The following RAI1 variants were observed in gnomAD, a reference collection of about 807,000 sequenced individuals.
RAI1 encodes the protein retinoic acid-induced protein 1.
A neutral mutation model predicts 123.8 loss-of-function variants in RAI1; 9 were observed. That is an observed-to-expected ratio of 0.07 (90% CI 0.04 to 0.13). The LOEUF (loss-of-function observed/expected upper bound fraction) is 0.13. Ranked by LOEUF, RAI1 falls within the 10% of genes least tolerant of loss-of-function variation. The pLI, the probability that RAI1 is intolerant of heterozygous loss-of-function variation, is 1.00. For missense variants in RAI1, 2,256 were observed against 2,545.8 expected (o/e 0.89, Z 2.45); for synonymous variants, 1,231 against 1,127.3 (o/e 1.09, Z -1.84).
chr17:17,796,757 TCAAGAGGATGTCTTCTCC>T lies in RAI1; in HGVS notation c.3815_3832del (p.Arg1272_Lys1277del). 6.2e-7 allele frequency: 1 copy of T among 1,613,190 alleles called. No homozygotes were observed. Among genetic ancestry groups the T allele is most frequent in the Non-Finnish European group, 8.5e-7 (1 of 1,179,812 alleles). The stretch of plus-strand genomic sequence containing the variant: ...AGGCCTGAGGGTTCCCCCACCCTCT[TCAAGAGGATGTCTTCTCC>T]CAAGAAAGCCAAGCCCACCAAGGGC... On this transcript the variant is annotated inframe_deletion, in exon 3 of 6. Transcript: ENST00000353383. This position sits in a 1 kb window ranked among gnomAD's most constrained non-coding sequence, Gnocchi z 5.8.
chr17:17,773,248 T>C (rs1172303364), intron 2 of RAI1, among the ~76,000 whole-genome samples: 2 of 152,174 alleles, frequency 1.3e-5, no homozygotes, highest in East Asian at 3.8e-4. Context: ...TGTAAAATGG[T>C]CAGCTCAGCT....
Position 17,685,986 on chromosome 17 carries a change from G to A in RAI1, c.-149+4193G>A, listed in dbSNP as rs893424274. Reference sequence around the variant, plus strand: ...GTCTCCTCCTCCTCTGACCTCCGAGGCAGAATGAGTCATCTCCCTTTGTCT... The same window carrying A: ...GTCTCCTCCTCCTCTGACCTCCGAGACAGAATGAGTCATCTCCCTTTGTCT... On this transcript the variant is annotated intron_variant, in intron 1 of 5. Coordinates refer to ENST00000353383, the MANE Select transcript of RAI1 (RefSeq NM_030665.4). This position sits in a 1 kb window ranked among gnomAD's most constrained non-coding sequence, Gnocchi z 4.0. Among the ~76,000 whole-genome samples the A allele has an allele frequency of 6.6e-6, 1 of 152,322 alleles. No individual in the cohort carries two copies. The highest frequency in any genetic ancestry group is 6.5e-5 in the Admixed American group (1 of 15,306).
chr17:17,778,175 A>G, intron 2 of RAI1: 1 of 154,676 alleles, frequency 6.5e-6, no homozygotes, highest in Non-Finnish European at 1.4e-5. Context: ...TTTGAGGAGC[A>G]CTGAGACTCA....
At position 17,800,178 on chromosome 17, in the gene RAI1, C is replaced by T. The variant is rs990507441; in HGVS notation, c.5565+1665C>T. The stretch of plus-strand genomic sequence containing the variant: ...CCTCTCTCCTGCTTTCTGTCTCTCT[C>T]TGTCTCTCTCTCTCTCTCTCTCTCT... On this transcript the variant is annotated intron_variant, in intron 3 of 5. Coordinates refer to ENST00000353383, the MANE Select transcript of RAI1 (RefSeq NM_030665.4). The surrounding 1 kb of genome is among the most constrained non-coding windows in gnomAD (Gnocchi z 4.7). Among the ~76,000 whole-genome samples, 24 of 73,122 alleles carry T rather than the reference C, an allele frequency of 3.3e-4. No homozygotes were observed. The highest frequency in any genetic ancestry group is 1.2e-3 in the African/African-American group (23 of 19,772). 48.0% of individuals were successfully genotyped at this position (73,122 alleles called of 152,430 possible).
intron 3 of RAI1, chr17:17,802,008 G>A (rs545293042): frequency 8.6e-6 from 4 of 466,818 alleles, no homozygotes; most frequent in South Asian, 4.7e-5. Flanking sequence ...CGCCCTCTCT[G>A]CTGCCTTCTC....
In RAI1 at chr17:17,731,164, A is replaced by G. The variant is rs575525563; in HGVS notation, c.-17+7005A>G. ...CACATAGGGTGTCGGGACCAGCCTG[A>G]ACCGGGTCAGCCTGACCCTGCACTT... is the stretch of plus-strand genomic sequence containing the variant. On this transcript the variant is annotated intron_variant, in intron 2 of 5. Transcript: ENST00000353383. Among the ~76,000 whole-genome samples the G allele has an allele frequency of 7.2e-5, 11 of 152,332 alleles. No homozygotes were observed. The East Asian group carries it at 1.6e-3, about 21-fold the overall frequency.
intron 3 of RAI1, 70 bp downstream of exon 3, chr17:17,798,583 G>A: frequency 3.8e-6 from 6 of 1,579,468 alleles, no homozygotes; most frequent in Non-Finnish European, 4.3e-6. Context: ...CAGTCGGGGA[G>A]CCCCTTGTTT....
intron 2 of RAI1, among the ~76,000 whole-genome samples, chr17:17,726,897 A>G (rs1916108989): frequency 6.6e-6 from 1 of 152,156 alleles, no homozygotes; most frequent in Non-Finnish European, 1.5e-5. Context: ...CTTTGCCGGC[A>G]TAATGTGAGC....
rs1244793666 is a variant in RAI1, at chr17:17,796,662, C to A, written c.3714C>A (p.Asn1238Lys). The change falls in exon 3 of 6, where the codon AAC becomes AAA. Residue 1238 changes from asparagine (N) to lysine (K), a missense_variant. Asn to Lys is a moderately conservative substitution (Grantham distance 94). Transcript: ENST00000353383. The surrounding 1 kb of genome is among the most constrained non-coding windows in gnomAD (Gnocchi z 5.8). ...FMAPVPTKKR[N>K]LVLRSRSSSS... The stretch of plus-strand genomic sequence containing the variant: ...CGCCGGTCCCCACCAAGAAGCGGAA[C>A]CTGGTCTTGCGGAGCCGCAGCAGCA... 1 of 1,612,398 alleles carries A rather than the reference C, an allele frequency of 6.2e-7. No homozygotes were observed. The highest frequency in any genetic ancestry group is 8.5e-7 in the Non-Finnish European group (1 of 1,179,400).
intron 3 of RAI1, among the ~76,000 whole-genome samples, chr17:17,803,352 G>GGGCC (rs2032523153): frequency 6.6e-6 from 1 of 152,108 alleles, no homozygotes; most frequent in African/African-American, 2.4e-5. Context: ...GGACCACAGG[G>GGGCC]GGCCAGCCAG....
intron 2 of RAI1, among the ~76,000 whole-genome samples, chr17:17,738,536 C>T (rs976808590): frequency 1.3e-5 from 2 of 152,116 alleles, no homozygotes; most frequent in African/African-American, 4.8e-5. Context: ...CGGGTGAAGG[C>T]GGGGGCAGAG....
chr17:17,796,816 A>G lies in RAI1; in HGVS notation c.3868A>G (p.Thr1290Ala). The change falls in exon 3 of 6, where the codon ACA (threonine) becomes GCA (alanine). Residue 1290 changes from threonine (T) to alanine (A), a missense_variant. Thr to Ala is a moderately conservative substitution (Grantham distance 58). Transcript: ENST00000353383. The surrounding 1 kb of genome is among the most constrained non-coding windows in gnomAD (Gnocchi z 5.8). ...KPTKGNGEPA[T>A]KLPPPETPDA... ...CACCAAGGGCAATGGCGAGCCTGCC[A>G]CAAAGCTCCCACCCCCGGAGACCCC... The G allele has an allele frequency of 1.2e-6, 2 of 1,610,930 alleles. No individual in the cohort carries two copies. The highest frequency in any genetic ancestry group is 1.3e-5 in the African/African-American group (1 of 74,970).
At chr17:17,786,126 C>A (rs1256913506) in intron 2 of RAI1, among the ~76,000 whole-genome samples, 1 of 152,186 alleles carries the variant, frequency 6.6e-6, no homozygotes, top group Non-Finnish European at 1.5e-5. Flanking sequence ...CCCCTCCCCC[C>A]CCACTTTATT....
At position 17,716,500 on chromosome 17, in the gene RAI1, G is replaced by A. The variant is rs544268250; in HGVS notation, c.-148-7528G>A. Among the ~76,000 whole-genome samples, 3 of 152,354 alleles carry A rather than the reference G, an allele frequency of 2.0e-5. No individual in the cohort carries two copies. The East Asian group carries it at 5.8e-4, about 29-fold the overall frequency. On this transcript the variant is annotated intron_variant, in intron 1 of 5. Transcript: ENST00000353383. ...TGTATATGCCCATGTTTCTGGATGT[G>A]TGTGCCCAGCCTGAGGGGGGGACAG...
chr17:17,713,670 A>G (rs1192186614), intron 1 of RAI1, among the ~76,000 whole-genome samples: 1 of 152,224 alleles, frequency 6.6e-6, no homozygotes, highest in African/African-American at 2.4e-5. Flanking sequence ...AAAATTTTAA[A>G]AAGATTGTAA....
At chr17:17,701,068 C>T (rs1403685246) in intron 1 of RAI1, among the ~76,000 whole-genome samples, 1 of 152,110 alleles carries the variant, frequency 6.6e-6, no homozygotes, top group Non-Finnish European at 1.5e-5. Context: ...CCTCGCTCAT[C>T]CTCCCTGAAA....
At chr17:17,683,038 G>C (rs1914497227) in intron 1 of RAI1, among the ~76,000 whole-genome samples, 1 of 152,184 alleles carries the variant, frequency 6.6e-6, no homozygotes, top group Non-Finnish European at 1.5e-5. Context: ...ACCCACTCGG[G>C]ATCTGCACGG....
At chr17:17,695,808 C>A (rs1361581028) in intron 1 of RAI1, among the ~76,000 whole-genome samples, 1 of 152,164 alleles carries the variant, frequency 6.6e-6, no homozygotes, top group African/African-American at 2.4e-5. Context: ...AGGTGTGAGC[C>A]ACTATGCCCG....
Position 17,803,572 on chromosome 17 carries a change from G to A in RAI1, c.5566-184G>A, listed in dbSNP as rs60803999. On this transcript the variant is annotated intron_variant, in intron 3 of 5. Coordinates refer to ENST00000353383, the MANE Select transcript of RAI1 (RefSeq NM_030665.4). ...CCACCAACCCTCACTATTTTTTGTA[G>A]AGACAGTTTCACCATGTTGCCCAGG... 0.022 allele frequency among the ~76,000 whole-genome samples: 3,282 copies of A among 152,088 alleles called. 133 individuals carry two copies. The highest frequency in any genetic ancestry group is 0.075 in the African/African-American group (3,104 of 41,472).
Sources: gnomAD v4.1 joint callset for allele counts (sites outside exome capture counted in the v4.1 genomes callset) on GRCh38, gnomAD v4.1.1 for gene constraint, Gnocchi (gnomAD v3.1) non-coding constraint, MANE v1.5 for transcripts, NCBI Gene and HGNC (gene_info 2026-07-23, HGNC 2026-07-21) for gene names.